SNTB2: variants seen among roughly 807,000 people sequenced by gnomAD.
SNTB2 encodes the protein beta-2-syntrophin.
SNTB2 carries 34 observed loss-of-function variants against 46.2 expected under a neutral mutation model. The observed-to-expected ratio is 0.74, with a 90% confidence interval of 0.56 to 0.98. SNTB2 has a LOEUF of 0.98. SNTB2 is among the 50% of genes least tolerant of loss of function. The pLI is 0.00. For synonymous variants in SNTB2, 290 were observed against 312.6 expected, an observed-to-expected ratio of 0.93 and a Z score of 0.76; for missense variants, 603 against 731.4, an observed-to-expected ratio of 0.82 and a Z score of 2.02.
At chr16:69,200,517 A>T (rs1020315706) in intron 1 of SNTB2, among the ~76,000 whole-genome samples, 3 of 152,170 alleles carry the variant, frequency 2.0e-5, no homozygotes, top group Non-Finnish European at 4.4e-5. Flanking sequence ...GATACATCAA[A>T]TTTAGGATAT....
intron 5 of SNTB2, among the ~76,000 whole-genome samples, chr16:69,293,579 T>G (rs532175998): frequency 6.6e-6 from 1 of 152,268 alleles, no homozygotes; most frequent in African/African-American, 2.4e-5. Context: ...GACAGCTCTT[T>G]CAAGAAGTTT....
rs112247334 is a variant in SNTB2 at position 69,256,290 on chromosome 16, G to T, written c.795-3760G>T. 3.5e-4 allele frequency among the ~76,000 whole-genome samples: 54 copies of T among 152,232 alleles called. 1 individual carries two copies. The highest frequency in any genetic ancestry group is 1.1e-3 in the African/African-American group (44 of 41,532). ...CCGCCTCAGCCTCCCCAAAGTGTTG[G>T]GATTACAGGCATGAGTCACTGTACT... On this transcript the variant is annotated intron_variant, in intron 2 of 6. Coordinates refer to ENST00000336278, the MANE Select transcript of SNTB2 (RefSeq NM_006750.4).
At chr16:69,245,156 A>G (rs1964657170) in intron 1 of SNTB2, among the ~76,000 whole-genome samples, 1 of 152,138 alleles carries the variant, frequency 6.6e-6, no homozygotes, top group Non-Finnish European at 1.5e-5. Flanking sequence ...CAGGGGATTC[A>G]TGGCTCTTTA....
chr16:69,239,476 C>T (rs1350972685), intron 1 of SNTB2, among the ~76,000 whole-genome samples: 3 of 152,178 alleles, frequency 2.0e-5, no homozygotes, highest in African/African-American at 7.2e-5. Context: ...CTCTGTTGTG[C>T]TATCCCTTTA....
chr16:69,298,122 G>A (rs777461764), intron 5 of SNTB2, among the ~76,000 whole-genome samples: 1 of 152,004 alleles, frequency 6.6e-6, no homozygotes, highest in Non-Finnish European at 1.5e-5. Context: ...TATTTTTATA[G>A]AAATGAGATC....
chr16:69,276,474 T>C (rs949964025), intron 4 of SNTB2, among the ~76,000 whole-genome samples: 1 of 152,246 alleles, frequency 6.6e-6, no homozygotes, highest in Non-Finnish European at 1.5e-5. Flanking sequence ...ATGTCTGTTT[T>C]GGGATTAGCA....
At chr16:69,275,026 TTTTCC>T (rs972938538) in intron 4 of SNTB2, among the ~76,000 whole-genome samples, 1 of 151,332 alleles carries the variant, frequency 6.6e-6, no homozygotes, top group African/African-American at 2.4e-5. Context: ...TTCCCTTTCC[TTTTCC>T]TTTCTTTTCT....
At chr16:69,268,692 C>A (rs996890176) in intron 3 of SNTB2, among the ~76,000 whole-genome samples, 4 of 151,692 alleles carry the variant, frequency 2.6e-5, no homozygotes, top group Admixed American at 2.6e-4. Flanking sequence ...CAGTGAAACC[C>A]CGTCTCTACT....
chr16:69,258,503 A>AT lies in SNTB2; in HGVS notation c.795-1542dup, dbSNP rs1305561178. Among the ~76,000 whole-genome samples, 5 of 149,992 alleles carry AT rather than the reference A, an allele frequency of 3.3e-5. No homozygotes were observed. In the East Asian group the frequency reaches 9.9e-4, roughly 30 times the overall value. ...CAGTTATAGTGTTGATCTCTTAACT[A>AT]TTTTTCTACCTAATTCACTGGAGGA... On this transcript the variant is annotated intron_variant, in intron 2 of 6. Coordinates refer to ENST00000336278, the MANE Select transcript of SNTB2 (RefSeq NM_006750.4).
At chr16:69,297,696 G>C (rs1298970947) in intron 5 of SNTB2, among the ~76,000 whole-genome samples, 1 of 151,576 alleles carries the variant, frequency 6.6e-6, no homozygotes, top group Non-Finnish European at 1.5e-5. Context: ...TGGATCCCTT[G>C]CAGTCAGGAG....
intron 1 of SNTB2, among the ~76,000 whole-genome samples, chr16:69,233,470 A>T (rs559942240): frequency 6.6e-6 from 1 of 152,290 alleles, no homozygotes; most frequent in South Asian, 2.1e-4. Context: ...TTTTTCACCT[A>T]TTAAAATAGC....
intron 5 of SNTB2, among the ~76,000 whole-genome samples, chr16:69,298,832 A>G (rs1200265539): frequency 2.6e-5 from 4 of 151,466 alleles, no homozygotes; most frequent in Non-Finnish European, 5.9e-5. Flanking sequence ...AGTATTACCA[A>G]TTCTTTAGGG....
intron 5 of SNTB2, among the ~76,000 whole-genome samples, chr16:69,296,125 C>CA (rs375690356): frequency 6.6e-6 from 1 of 151,416 alleles, no homozygotes; most frequent in African/African-American, 2.4e-5. Flanking sequence ...ACTAAAAATA[C>CA]AAAAAATTAG....
chr16:69,293,497 C>T (rs1001989881), intron 5 of SNTB2, among the ~76,000 whole-genome samples: 1 of 152,062 alleles, frequency 6.6e-6, no homozygotes, highest in Non-Finnish European at 1.5e-5. Context: ...AGATGCAAAA[C>T]GATGTAATGG....
chr16:69,214,348 A>G (rs990369590), intron 1 of SNTB2, among the ~76,000 whole-genome samples: 1 of 150,216 alleles, frequency 6.7e-6, no homozygotes, highest in African/African-American at 2.5e-5. Context: ...GAGTTTCACC[A>G]TGTTGGCCAG....
At chr16:69,292,857 A>G (rs138426037) in intron 5 of SNTB2, among the ~76,000 whole-genome samples, 2 of 152,164 alleles carry the variant, frequency 1.3e-5, no homozygotes, top group Admixed American at 6.6e-5. Context: ...TTAGAACGCC[A>G]TCTCTAATGT....
rs1789665645 is a variant in SNTB2 at position 69,187,646 on chromosome 16, C to T, written c.480C>T (p.Gly160=). ...AADQSRALRL[G]DAILSVNGTD... is the part of the protein sequence containing the mutation. ...ACCAGAGCCGGGCGCTGCGGCTGGG[C>T]GACGCCATCCTGTCGGTGAACGGCA... Residue 160 remains glycine, a synonymous_variant, in exon 1 of 7, where the codon GGC becomes GGT. Coordinates refer to ENST00000336278, the MANE Select transcript of SNTB2 (RefSeq NM_006750.4). 1 of 1,548,434 alleles carries T rather than the reference C, an allele frequency of 6.5e-7. No homozygotes were observed. The highest frequency in any genetic ancestry group is 8.7e-7 in the Non-Finnish European group (1 of 1,152,488).
intron 2 of SNTB2, among the ~76,000 whole-genome samples, chr16:69,247,366 G>C (rs1055542598): frequency 2.0e-5 from 3 of 152,188 alleles, no homozygotes; most frequent in African/African-American, 7.2e-5. Flanking sequence ...TGTTAGGTTA[G>C]AGATTAGTGG....
In SNTB2 at chr16:69,264,193, G is replaced by A. The variant is rs546117050; in HGVS notation, c.1005+3933G>A. On this transcript the variant is annotated intron_variant, in intron 3 of 6. Transcript: ENST00000336278. ...TTGTCTCTGCACCTGACCCTTCCCA[G>A]GACCTGTGATGCCAAGGCCATTGTG... Among the ~76,000 whole-genome samples the A allele has an allele frequency of 3.3e-4, 50 of 152,260 alleles. 1 individual carries two copies. The South Asian group carries it at 0.01, about 31-fold the overall frequency.
Sources: allele counts gnomAD v4.1 joint callset (sites outside exome capture counted in the v4.1 genomes callset), GRCh38; gene constraint gnomAD v4.1.1; transcripts MANE v1.5; gene names NCBI Gene and HGNC (gene_info 2026-07-23, HGNC 2026-07-21).